Variants in DHX35 observed in about 807,000 individuals in gnomAD.
DHX35 encodes the protein probable ATP-dependent RNA helicase DHX35.
DHX35 carries 84 observed loss-of-function variants against 99.6 expected under a neutral mutation model. The ratio of observed to expected loss-of-function variants is 0.84; its 90% CI spans 0.71 to 1.01. The LOEUF (loss-of-function observed/expected upper bound fraction) is 1.01. Among genes scored for constraint, DHX35 ranks in the 50% least tolerant of loss-of-function variants. The pLI is 0.00. For missense variants in DHX35, 852 were observed against 888.5 expected (o/e 0.96, Z 0.52); for synonymous variants, 331 against 316.2 (o/e 1.05, Z -0.50).
chr20:39,013,141 T>A (rs1017691208), intron 13 of DHX35, among the ~76,000 whole-genome samples: 1 of 151,848 alleles, frequency 6.6e-6, no homozygotes, highest in Non-Finnish European at 1.5e-5. Context: ...AAAAAAAAAA[T>A]ACAAATTTAT....
In DHX35 at chr20:38,968,980, T is replaced by G; in HGVS notation, c.41-101T>G. ...TTTGAGTAGTTTGAGATAAAAAGTA[T>G]TGCTTCTTCTGTATATCTTCATCTT... On this transcript the variant is annotated intron_variant, in intron 1 of 21. Coordinates refer to ENST00000252011, the MANE Select transcript of DHX35 (RefSeq NM_021931.4). 3.8e-6 allele frequency: 5 copies of G among 1,321,228 alleles called. No homozygotes were observed. In the South Asian group the frequency reaches 8.6e-5, roughly 23 times the overall value. The allele number at this position is 1,321,228 out of a possible 1,614,324, so 81.8% of individuals were successfully genotyped here. A position where few individuals can be genotyped will look rare whatever the true frequency, so the allele number is the denominator to read the frequency against.
intron 2 of DHX35, among the ~76,000 whole-genome samples, chr20:38,971,585 T>C (rs574625091): frequency 6.6e-6 from 1 of 152,260 alleles, no homozygotes; most frequent in Admixed American, 6.5e-5. Context: ...TTGTCCTTAG[T>C]GTAAGAACAT....
chr20:38,983,607 T>TA (rs1482114051), intron 3 of DHX35, 92 bp from the exon 4 acceptor site: 2 of 995,860 alleles, frequency 2.0e-6, no homozygotes, highest in Non-Finnish European at 3.0e-6. Context: ...TTTCCTTTCT[T>TA]AGTGATTTTA....
At chr20:39,013,998 C>G (rs2086743113) in intron 13 of DHX35, among the ~76,000 whole-genome samples, 1 of 152,198 alleles carries the variant, frequency 6.6e-6, no homozygotes, top group African/African-American at 2.4e-5. Flanking sequence ...CACCAACTGC[C>G]TATATGACCT....
rs769572514 is a variant in DHX35, at chr20:39,018,785, TTTG to T, written c.1403-13_1403-11del. Reference sequence around the variant, plus strand: ...CAATGGTACCTGCCTTCTGATTTCTTTTGTTGTTCTTATGGCAGGTCTGGACAA... The same window carrying T: ...CAATGGTACCTGCCTTCTGATTTCTTTTGTTCTTATGGCAGGTCTGGACAA... On this transcript the variant is annotated splice_polypyrimidine_tract_variant and intron_variant, in intron 14 of 21. Coordinates refer to ENST00000252011, the MANE Select transcript of DHX35 (RefSeq NM_021931.4). The T allele has an allele frequency of 8.7e-6, 14 of 1,611,838 alleles. No homozygotes were observed. The Admixed American group carries it at 2.3e-4, about 27-fold the overall frequency.
In DHX35 at chr20:39,016,445, C is replaced by T. The variant is rs554511310; in HGVS notation, c.1402+1511C>T. Among the ~76,000 whole-genome samples, 31 of 152,296 alleles carry T rather than the reference C, an allele frequency of 2.0e-4. 2 individuals are homozygous for T. In the South Asian group the frequency reaches 6.2e-3, roughly 31 times the overall value. ...ATTTAGTATCATGTTTCACAGGTTC[C>T]TTCATGTTGTAACGTATATTCATAC... On this transcript the variant is annotated intron_variant, in intron 14 of 21. Transcript: ENST00000252011.
chr20:38,964,369 G>C (rs2085879251), intron 1 of DHX35, among the ~76,000 whole-genome samples: 1 of 152,084 alleles, frequency 6.6e-6, no homozygotes, highest in Admixed American at 6.6e-5. Context: ...GTAGGTAAGG[G>C]CCTCATTGTG....
At position 39,020,656 on chromosome 20, in the gene DHX35, CT is replaced by C. The variant is rs57246257; in HGVS notation, c.1499-1165del. Among the ~76,000 whole-genome samples the C allele has an allele frequency of 5.8e-3, 610 of 105,206 alleles. 4 individuals are homozygous for C. Among genetic ancestry groups the C allele is most frequent in the Non-Finnish European group, 9.3e-3 (502 of 53,820 alleles). The allele number at this position is 105,206 out of a possible 152,430, so 69.0% of individuals were successfully genotyped here. On this transcript the variant is annotated intron_variant, in intron 15 of 21. Transcript: ENST00000252011. ...CAGCCTTCCATTTAGAAACAGGATT[CT>C]TTTTTTTTTTTTTTTTTTTGAGACA...
At chr20:39,003,933 T>G (rs1252223633) in intron 11 of DHX35, 26 bp downstream of exon 11, 4 of 1,610,082 alleles carry the variant, frequency 2.5e-6, no homozygotes, top group Non-Finnish European at 3.4e-6. Context: ...TGACCAAGGG[T>G]GTTGGCAGCC....
intron 8 of DHX35, among the ~76,000 whole-genome samples, chr20:38,996,726 G>A (rs887162219): frequency 1.3e-5 from 2 of 152,150 alleles, no homozygotes; most frequent in African/African-American, 4.8e-5. Context: ...AATGTCCAAC[G>A]TGTCCCGAGA....
At chr20:38,973,605 C>T (rs1208924638) in intron 3 of DHX35, among the ~76,000 whole-genome samples, 1 of 152,190 alleles carries the variant, frequency 6.6e-6, no homozygotes, top group African/African-American at 2.4e-5. Context: ...TTTTGTCCAA[C>T]GTTATGTGTG....
At chr20:38,967,124 A>AG (rs1464795327) in intron 1 of DHX35, among the ~76,000 whole-genome samples, 2 of 60,890 alleles carry the variant, frequency 3.3e-5, no homozygotes, top group Non-Finnish European at 6.2e-5. Flanking sequence ...ACTTAGCTCT[A>AG]GGGGGTCTAC....
At chr20:39,007,455 T>C (rs2086637878) in intron 12 of DHX35, among the ~76,000 whole-genome samples, 1 of 152,202 alleles carries the variant, frequency 6.6e-6, no homozygotes, top group South Asian at 2.1e-4. Flanking sequence ...CTTGGGCTGT[T>C]TTCCCTGCCC....
chr20:39,034,391 T>A, intron 21 of DHX35, 74 bp downstream of exon 21: 1 of 1,247,124 alleles, frequency 8.0e-7, no homozygotes, highest in Non-Finnish European at 1.2e-6. Flanking sequence ...ACTTTTTTTC[T>A]CCAATTTAAT....
At chr20:39,037,143 A>G (rs1383785146) in intron 21 of DHX35, among the ~76,000 whole-genome samples, 1 of 152,208 alleles carries the variant, frequency 6.6e-6, no homozygotes, top group Non-Finnish European at 1.5e-5. Context: ...CCACAGGCAC[A>G]ATGGCGTCAT....
chr20:39,006,468 C>A, intron 12 of DHX35, 112 bp downstream of exon 12: 1 of 1,090,204 alleles, frequency 9.2e-7, no homozygotes, highest in Admixed American at 2.1e-5. Context: ...TACAGGCCTT[C>A]CTCACAAGGC....
At chr20:39,012,879 G>A (rs1450421881) in intron 13 of DHX35, among the ~76,000 whole-genome samples, 2 of 152,104 alleles carry the variant, frequency 1.3e-5, no homozygotes, top group East Asian at 1.9e-4. Flanking sequence ...TGGTGAAATC[G>A]AAAACTGCCA....
Position 39,034,286 on chromosome 20 carries a change from A to G in DHX35, c.2036A>G (p.Glu679Gly), listed in dbSNP as rs1197154464. The change falls in exon 21 of 22, where the codon GAG (glutamate) becomes GGG (glycine). Residue 679 changes from glutamate (E) to glycine (G), a missense_variant. Physicochemically the swap from Glu to Gly is moderately conservative, Grantham distance 98 (BLOSUM62 -2). Coordinates refer to ENST00000252011, the MANE Select transcript of DHX35 (RefSeq NM_021931.4). ...VTAIESAWLL[E>G]LAPHFYQQGT... ...GCCATTGAATCGGCCTGGCTGTTGGAGCTGGCTCCACACTTTTATCAACAA... is the reference window on the plus strand; with the variant it reads ...GCCATTGAATCGGCCTGGCTGTTGGGGCTGGCTCCACACTTTTATCAACAA... The G allele has an allele frequency of 1.5e-5, 24 of 1,614,062 alleles. No individual in the cohort carries two copies. Among genetic ancestry groups the G allele is most frequent in the Non-Finnish European group, 1.9e-5 (23 of 1,180,036 alleles).
chr20:38,993,546 G>A (rs1601399196), intron 7 of DHX35, among the ~76,000 whole-genome samples: 1 of 152,162 alleles, frequency 6.6e-6, no homozygotes, highest in African/African-American at 2.4e-5. Context: ...TTTTAGTAGA[G>A]ATGGGGTTTG....
Sources: allele counts gnomAD v4.1 joint callset (sites outside exome capture counted in the v4.1 genomes callset), GRCh38; gene constraint gnomAD v4.1.1; transcripts MANE v1.5; gene names NCBI Gene and HGNC (gene_info 2026-07-23, HGNC 2026-07-21).